Variants in NRAP observed in about 807,000 individuals in gnomAD.
The protein encoded by NRAP is nebulin-related-anchoring protein.
NRAP carries 189 observed loss-of-function variants against 225.9 expected under a neutral mutation model. The observed-to-expected ratio is 0.84, with a 90% CI of 0.74 to 0.94. NRAP has a LOEUF of 0.94. Ranked by LOEUF, NRAP falls within the 40% of genes least tolerant of loss-of-function variation. NRAP has a pLI of 0.00. For synonymous variants in NRAP, 769 were observed against 790.7 expected (o/e 0.97, Z 0.46); for missense variants, 2,176 against 2,168.7 (o/e 1.00, Z -0.07).
intron 39 of NRAP, 49 bp from the exon 40 acceptor site, chr10:113,590,938 G>A (rs1374007458): frequency 1.7e-5 from 27 of 1,552,220 alleles, no homozygotes; most frequent in Non-Finnish European, 2.4e-5. Context: ...ACCTCCCCCA[G>A]GACCAGCCTC....
chr10:113,617,513 C>T lies in NRAP; in HGVS notation c.2915G>A (p.Ser972Asn). 1 of 1,612,940 alleles carries T rather than the reference C, an allele frequency of 6.2e-7. No individual in the cohort carries two copies. Among genetic ancestry groups the T allele is most frequent in the Non-Finnish European group, 8.5e-7 (1 of 1,178,988 alleles). Residue 972 changes from serine to asparagine, a missense_variant, in exon 26 of 42, where the codon AGT becomes AAT. Around this residue, in one of 3 missense-constraint regions of NRAP, gnomAD observed 1,708 missense variants for 1,695.5 expected, o/e 1.01. Coordinates refer to ENST00000359988, the MANE Select transcript of NRAP (RefSeq NM_198060.4). The part of the protein sequence containing the change: ...RQHPDALKFT[S>N]IKDTPEMVQA... The stretch of plus-strand genomic sequence containing the variant: ...GACCATCTCCGGAGTGTCTTTAATA[C>T]TGGTAAACTTCAAAGCATCTGGATG...
Position 113,588,999 on chromosome 10 carries a change from T to C in NRAP, c.5169A>G (p.Lys1723=). Residue 1723 remains lysine (K), a synonymous_variant, in exon 42 of 42, where the codon AAA becomes AAG. Coordinates refer to ENST00000359988, the MANE Select transcript of NRAP (RefSeq NM_198060.4). ...NPDATEILHV[K]KKKALLL is the part of the protein sequence containing the mutation. ...CTCACAACAGCAGGGCCTTCTTCTT[T>C]TTGACGTGCAGAATCTCAGTGGCAT... 4.3e-6 allele frequency: 7 copies of C among 1,613,944 alleles called. No homozygotes were observed. Among genetic ancestry groups the C allele is most frequent in the African/African-American group, 1.3e-5 (1 of 74,936 alleles).
intron 11 of NRAP, among the ~76,000 whole-genome samples, chr10:113,644,147 C>CAAAAAAAAAAAAAAAA (rs60015356): frequency 2.1e-5 from 1 of 47,986 alleles, no homozygotes; most frequent in Non-Finnish European, 3.7e-5. Flanking sequence ...AACTCCCTCT[C>CAAAAAAAAAAAAAAAA]AAAAAAAAAA....
chr10:113,622,429 G>A (rs747810289), intron 23 of NRAP, among the ~76,000 whole-genome samples: 1 of 152,074 alleles, frequency 6.6e-6, no homozygotes, highest in Non-Finnish European at 1.5e-5. Flanking sequence ...AAAAGTAGCC[G>A]TGAAATGAGA....
At chr10:113,637,276 C>T (rs560149534) in intron 14 of NRAP, among the ~76,000 whole-genome samples, 1 of 152,272 alleles carries the variant, frequency 6.6e-6, no homozygotes, top group African/African-American at 2.4e-5. Context: ...ATTATTATCC[C>T]TACCTTACAA....
chr10:113,601,097 A>T (rs1846571736), intron 35 of NRAP, among the ~76,000 whole-genome samples: 1 of 152,212 alleles, frequency 6.6e-6, no homozygotes, highest in African/African-American at 2.4e-5. Context: ...AGCACGGAAG[A>T]GATGATGGAA....
At chr10:113,612,500 G>A in intron 29 of NRAP, 69 bp from the exon 30 acceptor site, 12 of 1,279,562 alleles carry the variant, frequency 9.4e-6, no homozygotes, top group Non-Finnish European at 1.1e-5. Context: ...ATCAGGGAGG[G>A]CAACTGCAAT....
At chr10:113,590,477 C>T in intron 40 of NRAP, 101 bp downstream of exon 40, 1 of 1,177,330 alleles carries the variant, frequency 8.5e-7, no homozygotes, top group South Asian at 1.5e-5. Context: ...TCTCTCAGCC[C>T]AGCTCCCCCA....
intron 4 of NRAP, among the ~76,000 whole-genome samples, chr10:113,656,349 A>G (rs1487862493): frequency 6.6e-6 from 1 of 152,156 alleles, no homozygotes; most frequent in Non-Finnish European, 1.5e-5. Flanking sequence ...TTCCAGATGG[A>G]ACCAATGTAC....
chr10:113,607,836 T>A (rs1013073400), intron 32 of NRAP, among the ~76,000 whole-genome samples: 6 of 152,246 alleles, frequency 3.9e-5, no homozygotes, highest in African/African-American at 1.4e-4. Context: ...GCTGGAATGA[T>A]AATTTTACAG....
intron 4 of NRAP, among the ~76,000 whole-genome samples, chr10:113,656,698 T>C (rs7914877): frequency 0.33 from 49,565 of 152,158 alleles, 8,751 homozygotes; most frequent in African/African-American, 0.48. Context: ...AAGTAAAGAA[T>C]GGTTAAATAA....
At chr10:113,615,432 A>G (rs1305665375) in intron 27 of NRAP, among the ~76,000 whole-genome samples, 1 of 152,162 alleles carries the variant, frequency 6.6e-6, no homozygotes, top group African/African-American at 2.4e-5. Flanking sequence ...CCCACTTTCC[A>G]GCTCCTCCAA....
chr10:113,636,819 C>T (rs964676896), intron 14 of NRAP, among the ~76,000 whole-genome samples: 1 of 151,986 alleles, frequency 6.6e-6, no homozygotes, highest in Non-Finnish European at 1.5e-5. Flanking sequence ...CCAGCCTCAC[C>T]AACATAGTGA....
chr10:113,616,408 C>A (rs1036493380), intron 26 of NRAP, among the ~76,000 whole-genome samples: 2 of 152,140 alleles, frequency 1.3e-5, no homozygotes, highest in Non-Finnish European at 2.9e-5. Flanking sequence ...CAAATCTTAT[C>A]AGATGTATCC....
At chr10:113,639,381 G>C (rs1320071421) in intron 14 of NRAP, among the ~76,000 whole-genome samples, 1 of 152,198 alleles carries the variant, frequency 6.6e-6, no homozygotes, top group Non-Finnish European at 1.5e-5. Flanking sequence ...GAGAGAGAGA[G>C]ACAGATTCAG....
At chr10:113,645,726 C>CT in intron 11 of NRAP, 99 bp downstream of exon 11, 5 of 678,482 alleles carry the variant, frequency 7.4e-6, no homozygotes, top group Non-Finnish European at 1.2e-5. Context: ...CGGTGTCACA[C>CT]TTTTAACCAG....
At chr10:113,610,969 T>C (rs975859186) in intron 30 of NRAP, among the ~76,000 whole-genome samples, 3 of 152,188 alleles carry the variant, frequency 2.0e-5, no homozygotes, top group African/African-American at 7.2e-5. Context: ...TGGCATTAAT[T>C]AATCATGGGT....
intron 24 of NRAP, among the ~76,000 whole-genome samples, chr10:113,621,489 C>T (rs561501529): frequency 7.2e-5 from 11 of 152,276 alleles, no homozygotes; most frequent in African/African-American, 2.4e-4. Context: ...TAGCAACCCA[C>T]CCATTCCAAA....
At position 113,588,714 on chromosome 10, in the gene NRAP, T is replaced by A; in HGVS notation, c.*261A>T. 1 of 547,316 alleles carries A rather than the reference T, an allele frequency of 1.8e-6. No individual in the cohort carries two copies. Among genetic ancestry groups the A allele is most frequent in the Non-Finnish European group, 3.2e-6 (1 of 311,246 alleles). The allele number at this position is 547,316 out of a possible 1,614,324, so 33.9% of individuals were successfully genotyped here. A position where few individuals can be genotyped will look rare whatever the true frequency, so the allele number is the denominator to read the frequency against. ...AATGCAGACTCCAGAATCCCCAGCA[T>A]CAGCGGGAACCACCATCACATCTTT... On this transcript the variant is annotated 3_prime_UTR_variant, in exon 42 of 42. Coordinates refer to ENST00000359988, the MANE Select transcript of NRAP (RefSeq NM_198060.4).
Sources: gnomAD v4.1 joint callset for allele counts (sites outside exome capture counted in the v4.1 genomes callset) on GRCh38, gnomAD v4.1.1 for gene constraint, gnomAD v4.1.1 regional missense constraint, MANE v1.5 for transcripts, NCBI Gene and HGNC (gene_info 2026-07-23, HGNC 2026-07-21) for gene names.